Variants in TAOK1 observed in about 807,000 individuals in gnomAD.
TAOK1 encodes TAO kinase 1.
A neutral mutation model predicts 138.3 loss-of-function variants in TAOK1; 21 were observed. That is an observed-to-expected ratio of 0.15 (90% confidence interval 0.11 to 0.22). TAOK1 has a LOEUF of 0.22. Among genes scored for constraint, TAOK1 ranks in the 10% least tolerant of loss-of-function variants. TAOK1 has a pLI of 1.00. For missense variants in TAOK1, 651 were observed against 1,227.7 expected (o/e 0.53, Z 7.02); for synonymous variants, 361 against 398.4 (o/e 0.91, Z 1.12).
intron 8 of TAOK1, among the ~76,000 whole-genome samples, chr17:29,487,717 G>T (rs1290268541): frequency 1.3e-5 from 2 of 152,034 alleles, no homozygotes; most frequent in African/African-American, 4.8e-5. Context: ...CAAAATAAAT[G>T]ATATAACTTA....
At chr17:29,465,837 CTTTTTTTT>C (rs3058623) in intron 2 of TAOK1, among the ~76,000 whole-genome samples, 13 of 45,454 alleles carry the variant, frequency 2.9e-4, no homozygotes, top group East Asian at 1.1e-3. Flanking sequence ...AGTTTCTGTG[CTTTTTTTT>C]TTTTTTTTTT....
chr17:29,402,778 T>C (rs1904885747), intron 1 of TAOK1, among the ~76,000 whole-genome samples: 1 of 152,124 alleles, frequency 6.6e-6, no homozygotes, highest in Admixed American at 6.6e-5. Context: ...GGGTCATGTC[T>C]TTAATCCTAG....
intron 1 of TAOK1, among the ~76,000 whole-genome samples, chr17:29,429,981 A>G (rs1905773872): frequency 2.0e-5 from 3 of 152,202 alleles, no homozygotes; most frequent in Admixed American, 2.0e-4. Flanking sequence ...TTACTTTAGT[A>G]TTAAAGGAAA....
rs750720811 is a variant in TAOK1 at position 29,467,171 on chromosome 17, G to A, written c.159G>A (p.Val53=). Residue 53 remains valine (V), a synonymous_variant, in exon 3 of 20, where the codon GTG becomes GTA. Coordinates refer to ENST00000261716, the MANE Select transcript of TAOK1 (RefSeq NM_020791.4). ...CACGAGATGTGCGTACCAATGAAGT[G>A]GTGGCCATCAAGAAAATGTCTTATA... ...YFARDVRTNE[V]VAIKKMSYSG... 36 of 1,604,784 alleles carry A rather than the reference G, an allele frequency of 2.2e-5. No individual in the cohort carries two copies. The South Asian group carries it at 3.8e-4, about 17-fold the overall frequency.
intron 13 of TAOK1, among the ~76,000 whole-genome samples, chr17:29,506,592 T>G (rs539832906): frequency 6.6e-6 from 1 of 152,306 alleles, no homozygotes; most frequent in African/African-American, 2.4e-5. Flanking sequence ...TTGAATATTT[T>G]GAAATAATTA....
At chr17:29,507,854 T>G (rs2153029211) in intron 13 of TAOK1, 42 bp from the exon 14 acceptor site, 1 of 1,552,412 alleles carries the variant, frequency 6.4e-7, no homozygotes, top group East Asian at 2.3e-5. Context: ...CGAAGAAGAA[T>G]GTTTTATTTT....
intron 1 of TAOK1, among the ~76,000 whole-genome samples, chr17:29,403,574 AGAT>A (rs993419879): frequency 1.3e-5 from 2 of 152,166 alleles, no homozygotes; most frequent in Non-Finnish European, 2.9e-5. Flanking sequence ...CATAAATGGT[AGAT>A]GATGATGATG....
intron 2 of TAOK1, among the ~76,000 whole-genome samples, chr17:29,452,106 C>G (rs951134261): frequency 1.1e-4 from 17 of 152,044 alleles, no homozygotes; most frequent in South Asian, 6.2e-4. Flanking sequence ...GTTCCAGGTA[C>G]TCAGGAGGCT....
intron 10 of TAOK1, among the ~76,000 whole-genome samples, chr17:29,492,836 A>G (rs2031325868): frequency 6.6e-6 from 1 of 150,886 alleles, no homozygotes; most frequent in African/African-American, 2.4e-5. Flanking sequence ...ATGTTTTTGG[A>G]TGAAACAATA....
At position 29,398,290 on chromosome 17, in the gene TAOK1, C is replaced by G. The variant is rs564180256; in HGVS notation, c.-95+7266C>G. On this transcript the variant is annotated intron_variant, in intron 1 of 19. Transcript: ENST00000261716. Reference sequence around the variant, plus strand: ...TGGCATGATCTCGCTCACTGCAACCCCTGCCTCCCAGGTTCAAGCGATTCT... The same window carrying G: ...TGGCATGATCTCGCTCACTGCAACCGCTGCCTCCCAGGTTCAAGCGATTCT... 3.1e-4 allele frequency among the ~76,000 whole-genome samples: 47 copies of G among 150,902 alleles called. 1 individual carries two copies. The highest frequency in any genetic ancestry group is 1.0e-3 in the African/African-American group (43 of 41,140).
intron 10 of TAOK1, among the ~76,000 whole-genome samples, chr17:29,493,092 A>G (rs945726788): frequency 1.3e-5 from 2 of 152,144 alleles, no homozygotes; most frequent in African/African-American, 2.4e-5. Context: ...ATGAGCCAAG[A>G]TCGTGCCACT....
chr17:29,409,333 AT>A (rs869195465), intron 1 of TAOK1, among the ~76,000 whole-genome samples: 343 of 58,994 alleles, frequency 5.8e-3, no homozygotes, highest in Admixed American at 0.015. Flanking sequence ...ATATATATAT[AT>A]TTTTTTTTTT....
chr17:29,507,810 A>T, intron 13 of TAOK1, 86 bp from the exon 14 acceptor site: 3 of 1,186,432 alleles, frequency 2.5e-6, no homozygotes, highest in Non-Finnish European at 3.5e-6. Context: ...CTAATTCCCT[A>T]CTTAGTTAAT....
rs1567743408 is a variant in TAOK1, at chr17:29,522,447, T to C, written c.2076T>C (p.Tyr692=). The C allele has an allele frequency of 6.2e-7, 1 of 1,614,130 alleles. No homozygotes were observed. The highest frequency in any genetic ancestry group is 1.3e-5 in the African/African-American group (1 of 75,006). The change falls in exon 17 of 20, where the codon TAT becomes TAC. Residue 692 remains tyrosine, a synonymous_variant. Transcript: ENST00000261716. ...HQTELTNQLE[Y]NKRRERELRR... Reference sequence around the variant, plus strand: ...CTGAGCTCACTAACCAGCTGGAATATAATAAGCGAAGAGAACGAGAACTAA... The same window carrying C: ...CTGAGCTCACTAACCAGCTGGAATACAATAAGCGAAGAGAACGAGAACTAA...
At chr17:29,422,834 A>G (rs550266640) in intron 1 of TAOK1, among the ~76,000 whole-genome samples, 109 of 152,242 alleles carry the variant, frequency 7.2e-4, no homozygotes, top group African/African-American at 2.1e-3. Flanking sequence ...GACCAGCTTG[A>G]CCAACATAGT....
chr17:29,520,475 G>A (rs2031894375), intron 16 of TAOK1, among the ~76,000 whole-genome samples: 1 of 151,390 alleles, frequency 6.6e-6, no homozygotes, highest in Non-Finnish European at 1.5e-5. Context: ...ATGCAGTGGT[G>A]TGATCTCGGC....
intron 1 of TAOK1, among the ~76,000 whole-genome samples, chr17:29,441,161 T>C (rs1284426792): frequency 6.6e-6 from 1 of 152,218 alleles, no homozygotes; most frequent in East Asian, 1.9e-4. Context: ...GATATCTTTG[T>C]CTGGCTTTGG....
intron 14 of TAOK1, among the ~76,000 whole-genome samples, chr17:29,508,551 C>T (rs1529420): frequency 0.86 from 130,923 of 152,128 alleles, 56,435 homozygotes; most frequent in Middle Eastern, 0.95. Flanking sequence ...TACTCAGTTA[C>T]TTTAAGCTTT....
intron 2 of TAOK1, among the ~76,000 whole-genome samples, chr17:29,452,765 TTAAC>T (rs1480521716): frequency 8.5e-5 from 13 of 152,234 alleles, no homozygotes; most frequent in Non-Finnish European, 1.9e-4. Flanking sequence ...CTTATATTAT[TTAAC>T]TGATTGTTTT....
Sources: gnomAD v4.1 joint callset for allele counts (sites outside exome capture counted in the v4.1 genomes callset) on GRCh38, gnomAD v4.1.1 for gene constraint, MANE v1.5 for transcripts, NCBI Gene and HGNC (gene_info 2026-07-23, HGNC 2026-07-21) for gene names.